Variants in TARDBP observed in about 807,000 individuals in gnomAD.
TARDBP encodes the protein TAR DNA binding protein, also known as TAR DNA-binding protein 43.
In TARDBP, 4 loss-of-function variants were observed where a neutral mutation model predicts 38.3. The ratio of observed to expected loss-of-function variants is 0.10; its 90% CI spans 0.05 to 0.24. The LOEUF (loss-of-function observed/expected upper bound fraction) is 0.24, where lower values mean the gene tolerates loss of function less well. TARDBP is among the 10% of genes least tolerant of loss of function. The pLI is 1.00. For missense variants in TARDBP, 202 were observed against 521.9 expected (o/e 0.39, Z 5.97); for synonymous variants, 184 against 183.8 (o/e 1.00, Z -0.01).
downstream of TARDBP, chr1:11,027,606 C>T (rs752327976): frequency 6.2e-7 from 1 of 1,613,948 alleles, no homozygotes; most frequent in African/African-American, 1.3e-5. Flanking sequence ...CTTTTGCCCT[C>T]CATATATACG....
chr1:11,018,623 C>T (rs571817595), intron 3 of TARDBP, 110 bp from the exon 4 acceptor site: 1,117 of 1,489,018 alleles, frequency 7.5e-4, no homozygotes, highest in Non-Finnish European at 9.1e-4. Context: ...AAGTTTTAAG[C>T]CACTGCATCC....
In TARDBP at chr1:11,016,929, G is replaced by T; in HGVS notation, c.324G>T (p.Val108=). The change falls in exon 3 of 6, where the codon GTG becomes GTT. Residue 108 remains valine, a synonymous_variant. Coordinates refer to ENST00000240185, the MANE Select transcript of TARDBP (RefSeq NM_007375.4). ...RAVQKTSDLI[V]LGLPWKTTEQ... Reference sequence around the variant, plus strand: ...TCCAGAAAACATCCGATTTAATAGTGTTGGGTCTCCCATGGAAAACAACCG... The same window carrying T: ...TCCAGAAAACATCCGATTTAATAGTTTTGGGTCTCCCATGGAAAACAACCG... The T allele has an allele frequency of 6.2e-7, 1 of 1,614,218 alleles. No homozygotes were observed. The highest frequency in any genetic ancestry group is 1.1e-5 in the South Asian group (1 of 91,084).
chr1:11,027,149 A>G (rs1643749664), downstream of TARDBP: 1 of 1,613,970 alleles, frequency 6.2e-7, no homozygotes, highest in Non-Finnish European at 8.5e-7. Flanking sequence ...CATATGCAGC[A>G]GTACATTTTT....
At chr1:11,026,880 G>T, downstream of TARDBP, 2 of 1,471,954 alleles carry the variant, frequency 1.4e-6, no homozygotes, top group East Asian at 2.4e-5. Context: ...CTGCAGACAC[G>T]CAAGTTAAAA....
downstream of TARDBP, chr1:11,025,969 G>T (rs1423706732): frequency 6.5e-6 from 1 of 154,746 alleles, no homozygotes; most frequent in Admixed American, 6.6e-5. Context: ...GCATCACTGT[G>T]CCCAAGTATT....
rs1395710747 is a variant in TARDBP, at chr1:11,025,297, A to C, written c.*2643A>C. ...TGGTCATAGAAGGCTTTCAATGTTG[A>C]GTGGCCTTTTATTAACATGTTTATG... On this transcript the variant is annotated 3_prime_UTR_variant, in exon 6 of 6. Coordinates refer to ENST00000240185, the MANE Select transcript of TARDBP (RefSeq NM_007375.4). 6.6e-6 allele frequency: 1 copy of C among 152,494 alleles called. No homozygotes were observed. The highest frequency in any genetic ancestry group is 1.5e-5 in the Non-Finnish European group (1 of 68,034). 9.4% of individuals were successfully genotyped at this position (152,494 alleles called of 1,614,324 possible). A position where few individuals can be genotyped will look rare whatever the true frequency, so the allele number is the denominator to read the frequency against.
downstream of TARDBP, chr1:11,030,397 TAGG>T (rs1408324986): frequency 1.9e-5 from 12 of 620,994 alleles, no homozygotes; most frequent in South Asian, 5.9e-5. Flanking sequence ...ATTTCATAAA[TAGG>T]AGGTCTCTGC....
Position 11,022,878 on chromosome 1 carries a change from G to GA in TARDBP, c.*227dup, listed in dbSNP as rs1380327427. 1.5e-6 allele frequency: 2 copies of GA among 1,367,446 alleles called. No homozygotes were observed. The highest frequency in any genetic ancestry group is 2.9e-5 in the African/African-American group (2 of 67,922). The allele number at this position is 1,367,446 out of a possible 1,614,324, so 84.7% of individuals were successfully genotyped here. On this transcript the variant is annotated 3_prime_UTR_variant, in exon 6 of 6. Transcript: ENST00000240185. This position sits in a 1 kb window ranked among gnomAD's most constrained non-coding sequence, Gnocchi z 4.5. Reference sequence around the variant, plus strand: ...TGAAAGGTTGAAATATTGAGTGGTTGAAAGTGAACTGCTGTTTGCCTGATT... The same window carrying GA: ...TGAAAGGTTGAAATATTGAGTGGTTGAAAAGTGAACTGCTGTTTGCCTGATT...
chr1:11,014,074 A>G, intron 2 of TARDBP, 109 bp downstream of exon 2: 2 of 1,140,032 alleles, frequency 1.8e-6, no homozygotes, highest in Non-Finnish European at 2.7e-6. Context: ...AAACTTAAGT[A>G]TTTCCTTGAA....
intron 4 of TARDBP, among the ~76,000 whole-genome samples, chr1:11,019,571 CTT>C (rs879585461): frequency 3.4e-5 from 5 of 146,870 alleles, no homozygotes; most frequent in African/African-American, 1.2e-4. Context: ...TGCACAACGA[CTT>C]TTTTTTTTTG....
chr1:11,027,245 A>G (rs750968196), downstream of TARDBP: 2 of 1,614,212 alleles, frequency 1.2e-6, no homozygotes, highest in Non-Finnish European at 1.7e-6. Flanking sequence ...ATGCAGTTCC[A>G]ATGTCATCTG....
rs537467773 is a variant in TARDBP, at chr1:11,021,348, C to A, written c.714+749C>A. On this transcript the variant is annotated intron_variant, in intron 5 of 5. Coordinates refer to ENST00000240185, the MANE Select transcript of TARDBP (RefSeq NM_007375.4). ...TAGAGACAGGGTTTCACCATGTTGG[C>A]CAGGCTGGTCTCGAACTCCTGACCT... Among the ~76,000 whole-genome samples the A allele has an allele frequency of 4.6e-5, 7 of 151,808 alleles. No individual in the cohort carries two copies. The South Asian group carries it at 1.5e-3, about 32-fold the overall frequency.
At chr1:11,019,243 T>C in intron 4 of TARDBP, 1 of 321,406 alleles carries the variant, frequency 3.1e-6, no homozygotes, top group Non-Finnish European at 6.0e-6. Context: ...CAAATAACAT[T>C]GGCTTATTTG....
At chr1:11,021,976 A>C (rs1393575467) in intron 5 of TARDBP, 148 bp from the exon 6 acceptor site, 1 of 862,130 alleles carries the variant, frequency 1.2e-6, no homozygotes. Flanking sequence ...TAAAAGCTGT[A>C]TTGGGGGTTT....
chr1:11,017,169 GCCACCA>G (rs1643541006), intron 3 of TARDBP, among the ~76,000 whole-genome samples, 162 bp downstream of exon 3: 1 of 150,792 alleles, frequency 6.6e-6, no homozygotes, highest in Admixed American at 6.6e-5. Flanking sequence ...AATGTGCTGA[GCCACCA>G]TGCCCAGCCA....
Position 11,023,043 on chromosome 1 carries a change from GAACCCCACCAT to G in TARDBP, c.*391_*401del. 7.0e-7 allele frequency: 1 copy of G among 1,435,914 alleles called. No homozygotes were observed. Among genetic ancestry groups the G allele is most frequent in the Non-Finnish European group, 9.2e-7 (1 of 1,092,074 alleles). 88.9% of individuals were successfully genotyped at this position (1,435,914 alleles called of 1,614,324 possible). A position where few individuals can be genotyped will look rare whatever the true frequency, so the allele number is the denominator to read the frequency against. ...CATTCTTTACCCCTTGTTTTAATTT[GAACCCCACCAT>G]ATGGATTTTTTTCCTTAAGAAAATC... On this transcript the variant is annotated 3_prime_UTR_variant, in exon 6 of 6. Transcript: ENST00000240185.
downstream of TARDBP, chr1:11,027,372 T>C (rs745359886): frequency 1.9e-5 from 30 of 1,614,100 alleles, no homozygotes; most frequent in Admixed American, 4.8e-4. Context: ...GCCAGCATCA[T>C]GAGTATAACC....
intron 1 of TARDBP, among the ~76,000 whole-genome samples, 199 bp downstream of exon 1, chr1:11,012,942 G>C (rs1446347500): frequency 6.6e-6 from 1 of 152,198 alleles, no homozygotes; most frequent in Non-Finnish European, 1.5e-5. Flanking sequence ...CGAAACGGGG[G>C]GCCGGGCCCG....
At chr1:11,026,489 A>G (rs544876864), downstream of TARDBP, 1 of 157,294 alleles carries the variant, frequency 6.4e-6, no homozygotes, top group East Asian at 1.9e-4. Context: ...TTCCTCAATC[A>G]GTACTGCCAT....
Sources: allele counts gnomAD v4.1 joint callset (sites outside exome capture counted in the v4.1 genomes callset), GRCh38; gene constraint gnomAD v4.1.1; non-coding constraint Gnocchi (gnomAD v3.1); transcripts MANE v1.5; gene names NCBI Gene and HGNC (gene_info 2026-07-23, HGNC 2026-07-21).